Variants in CYB5RL observed in about 807,000 individuals in gnomAD.
CYB5RL encodes cytochrome b5 reductase like.
A neutral mutation model predicts 37.5 loss-of-function variants in CYB5RL; 38 were observed. The observed-to-expected ratio is 1.01, with a 90% CI of 0.78 to 1.33. CYB5RL has a LOEUF of 1.33. CYB5RL is among the 40% of genes most tolerant of loss of function. The pLI, the probability that CYB5RL is intolerant of heterozygous loss-of-function variation, is 0.00. For missense variants in CYB5RL, 388 were observed against 394.4 expected (o/e 0.98, Z 0.14); for synonymous variants, 141 against 151.9 (o/e 0.93, Z 0.53).
intron 7 of CYB5RL, among the ~76,000 whole-genome samples, chr1:54,177,648 C>T (rs1484898741): frequency 1.3e-5 from 2 of 152,188 alleles, no homozygotes; most frequent in African/African-American, 4.8e-5. Flanking sequence ...TTCTGTGCCT[C>T]AGTTTCCACA....
chr1:54,184,075 G>C (rs1034966693), intron 6 of CYB5RL, 86 bp downstream of exon 6: 7 of 1,188,224 alleles, frequency 5.9e-6, no homozygotes, highest in Admixed American at 2.0e-5. Flanking sequence ...AGCTCAAGGA[G>C]AATGGCACAG....
chr1:54,174,739 C>T lies in CYB5RL; in HGVS notation c.828G>A (p.Leu276=). The change falls in exon 8 of 8, where the codon CTG becomes CTA. Residue 276 remains leucine (L), a synonymous_variant. Coordinates refer to ENST00000534324, the MANE Select transcript of CYB5RL (RefSeq NM_001031672.4). ...ATGGCTTTCTCCGACAGCAGCTGACCAGCTCTTTAATTAGGTCCTGGCCCA... is the reference window on the plus strand; with the variant it reads ...ATGGCTTTCTCCGACAGCAGCTGACTAGCTCTTTAATTAGGTCCTGGCCCA... ...GHLGQDLIKE[L]VSCCRRKPFA... is the part of the protein sequence containing the mutation. 6.2e-7 allele frequency: 1 copy of T among 1,614,040 alleles called. No homozygotes were observed.
Position 54,171,932 on chromosome 1 carries a change from C to T in CYB5RL, c.*2687G>A, listed in dbSNP as rs535402555. On this transcript the variant is annotated 3_prime_UTR_variant, in exon 8 of 8. Coordinates refer to ENST00000534324, the MANE Select transcript of CYB5RL (RefSeq NM_001031672.4). ...TTTAGGCTTCTTGGCACCAAGGGCACGGCTGGGTCCCCACCAATGTCCCAT... is the reference window on the plus strand; with the variant it reads ...TTTAGGCTTCTTGGCACCAAGGGCATGGCTGGGTCCCCACCAATGTCCCAT... 10 of 170,080 alleles carry T rather than the reference C, an allele frequency of 5.9e-5. No homozygotes were observed. The South Asian group carries it at 1.3e-3, about 22-fold the overall frequency. 10.5% of individuals were successfully genotyped at this position (170,080 alleles called of 1,614,324 possible). A position where few individuals can be genotyped will look rare whatever the true frequency, so the allele number is the denominator to read the frequency against.
intron 3 of CYB5RL, among the ~76,000 whole-genome samples, chr1:54,194,334 C>T (rs1450259404): frequency 6.6e-6 from 1 of 151,252 alleles, no homozygotes; most frequent in African/African-American, 2.4e-5. Flanking sequence ...AGCGCCACTG[C>T]ACCCCAGCCT....
chr1:54,183,481 G>C (rs938048923), intron 6 of CYB5RL, among the ~76,000 whole-genome samples: 1 of 152,172 alleles, frequency 6.6e-6, no homozygotes, highest in African/African-American at 2.4e-5. Flanking sequence ...AAAATGCCAG[G>C]ATGATGAGGA....
intron 3 of CYB5RL, 55 bp downstream of exon 3, chr1:54,195,364 C>A: frequency 6.7e-7 from 1 of 1,487,734 alleles, no homozygotes; most frequent in Non-Finnish European, 9.0e-7. Flanking sequence ...CTTTGCAGGG[C>A]CAAGGCAAGT....
chr1:54,193,134 C>A (rs1024348618), intron 3 of CYB5RL, among the ~76,000 whole-genome samples: 3 of 152,220 alleles, frequency 2.0e-5, no homozygotes, highest in African/African-American at 7.2e-5. Context: ...TTATTACCAA[C>A]CTCCTTGTGC....
At position 54,170,978 on chromosome 1, in the gene CYB5RL, C is replaced by T. The variant is rs1659877144; in HGVS notation, c.*3641G>A. 2 of 363,058 alleles carry T rather than the reference C, an allele frequency of 5.5e-6. No individual in the cohort carries two copies. Among genetic ancestry groups the T allele is most frequent in the Non-Finnish European group, 1.1e-5 (2 of 181,130 alleles). 22.5% of individuals were successfully genotyped at this position (363,058 alleles called of 1,614,324 possible). The stretch of plus-strand genomic sequence containing the variant: ...TGTTTATCGCTCAGGTATTCGACAT[C>T]CAGGAAGTGCTGAGCATCCTCCCCT... On this transcript the variant is annotated 3_prime_UTR_variant, in exon 8 of 8. Coordinates refer to ENST00000534324, the MANE Select transcript of CYB5RL (RefSeq NM_001031672.4).
intron 3 of CYB5RL, among the ~76,000 whole-genome samples, chr1:54,192,294 C>T (rs1213654677): frequency 2.0e-5 from 3 of 150,684 alleles, no homozygotes; most frequent in South Asian, 2.1e-4. Context: ...AAGTGATTCT[C>T]GTGCCTCAGC....
chr1:54,179,503 C>T (rs991501869), intron 6 of CYB5RL, among the ~76,000 whole-genome samples, 151 bp from the exon 7 acceptor site: 2 of 152,158 alleles, frequency 1.3e-5, no homozygotes, highest in Non-Finnish European at 2.9e-5. Context: ...CTACCTCCTC[C>T]AGAAAGCCGT....
At position 54,174,883 on chromosome 1, in the gene CYB5RL, C is replaced by T. The variant is rs530027730; in HGVS notation, c.745-61G>A. The stretch of plus-strand genomic sequence containing the variant: ...GAGCGGGGGGTCCTTAGTGTTCACA[C>T]AGCCAGCTCTCCTCTGCAAAATGAG... On this transcript the variant is annotated intron_variant, in intron 7 of 7. Coordinates refer to ENST00000534324, the MANE Select transcript of CYB5RL (RefSeq NM_001031672.4). The T allele has an allele frequency of 2.7e-4, 423 of 1,541,978 alleles. No individual in the cohort carries two copies. The African/African-American group carries it at 5.2e-3, about 19-fold the overall frequency.
Position 54,171,508 on chromosome 1 carries a change from A to C in CYB5RL, c.*3111T>G, listed in dbSNP as rs1328455061. The stretch of plus-strand genomic sequence containing the variant: ...AGAAGTGACGTTGGTAAACATGGTG[A>C]GGGCTGAACTAAAGCCAATGCCGCT... On this transcript the variant is annotated 3_prime_UTR_variant, in exon 8 of 8. Coordinates refer to ENST00000534324, the MANE Select transcript of CYB5RL (RefSeq NM_001031672.4). 2.3e-6 allele frequency: 1 copy of C among 442,992 alleles called. No individual in the cohort carries two copies. Among genetic ancestry groups the C allele is most frequent in the Admixed American group, 2.4e-5 (1 of 41,978 alleles). 27.4% of individuals were successfully genotyped at this position (442,992 alleles called of 1,614,324 possible).
rs779330384 is a variant in CYB5RL, at chr1:54,190,838, T to C, written c.257A>G (p.Asp86Gly). 13 of 1,606,526 alleles carry C rather than the reference T, an allele frequency of 8.1e-6. No homozygotes were observed. The highest frequency in any genetic ancestry group is 1.1e-5 in the Non-Finnish European group (13 of 1,176,790). ...TFVAFCIIAM[D>G]RLTKDTYRVR... The stretch of plus-strand genomic sequence containing the variant: ...ACGGTAGGTGTCCTTAGTGAGCCTG[T>C]CCATGGCAATGATGCAGAAGGCCAC... Residue 86 changes from aspartate to glycine, a missense_variant, in exon 4 of 8, where the codon GAC becomes GGC. Coordinates refer to ENST00000534324, the MANE Select transcript of CYB5RL (RefSeq NM_001031672.4).
rs1321697757 is a variant in CYB5RL, at chr1:54,170,254, C to T, written c.*4365G>A. On this transcript the variant is annotated 3_prime_UTR_variant, in exon 8 of 8. Coordinates refer to ENST00000534324, the MANE Select transcript of CYB5RL (RefSeq NM_001031672.4). The stretch of plus-strand genomic sequence containing the variant: ...AGTAGCTGGGATTACAGGTGCGCAC[C>T]ACCATGCCCAGCTAATTTTTCTATC... The T allele has an allele frequency of 6.6e-6, 1 of 151,686 alleles. No individual in the cohort carries two copies. Among genetic ancestry groups the T allele is most frequent in the Non-Finnish European group, 1.5e-5 (1 of 68,002 alleles). 9.4% of individuals were successfully genotyped at this position (151,686 alleles called of 1,614,324 possible). A position where few individuals can be genotyped will look rare whatever the true frequency, so the allele number is the denominator to read the frequency against.
chr1:54,193,379 A>G lies in CYB5RL; in HGVS notation c.198+2040T>C, dbSNP rs577697749. Among the ~76,000 whole-genome samples the G allele has an allele frequency of 4.6e-5, 7 of 152,344 alleles. No homozygotes were observed. In the East Asian group the frequency reaches 1.4e-3, roughly 29 times the overall value. ...TGGTAGTCCTGAGTTAGGAAGAGAA[A>G]TGAAATTTGGGCAGAGATCAGAAAG... On this transcript the variant is annotated intron_variant, in intron 3 of 7. Coordinates refer to ENST00000534324, the MANE Select transcript of CYB5RL (RefSeq NM_001031672.4).
In CYB5RL at chr1:54,195,857, T is replaced by G; in HGVS notation, c.-99-142A>C. The G allele has an allele frequency of 1.3e-5, 5 of 393,650 alleles. 1 individual carries two copies. The highest frequency in any genetic ancestry group is 2.3e-5 in the Non-Finnish European group (5 of 221,958). The allele number at this position is 393,650 out of a possible 1,614,324, so 24.4% of individuals were successfully genotyped here. Reference sequence around the variant, plus strand: ...GAGTGTGCTGTCTGGTGGGGAGCATTAACCACTTACTATCATTGGTTTTAG... The same window carrying G: ...GAGTGTGCTGTCTGGTGGGGAGCATGAACCACTTACTATCATTGGTTTTAG... On this transcript the variant is annotated intron_variant, in intron 2 of 7. Coordinates refer to ENST00000534324, the MANE Select transcript of CYB5RL (RefSeq NM_001031672.4).
Position 54,190,835 on chromosome 1 carries a change from C to T in CYB5RL, c.260G>A (p.Arg87Lys). The T allele has an allele frequency of 6.2e-7, 1 of 1,605,632 alleles. No homozygotes were observed. The change falls in exon 4 of 8, where the codon AGG (arginine) becomes AAG (lysine). Residue 87 changes from arginine to lysine, a missense_variant. By Grantham distance (26) the Arg-to-Lys change is conservative (BLOSUM62 2). Coordinates refer to ENST00000534324, the MANE Select transcript of CYB5RL (RefSeq NM_001031672.4). ...GACACGGTAGGTGTCCTTAGTGAGC[C>T]TGTCCATGGCAATGATGCAGAAGGC... is the stretch of plus-strand genomic sequence containing the variant. ...FVAFCIIAMD[R>K]LTKDTYRVRF... is the part of the protein sequence containing the mutation.
chr1:54,194,652 GA>G (rs891381953), intron 3 of CYB5RL, among the ~76,000 whole-genome samples: 44 of 147,508 alleles, frequency 3.0e-4, no homozygotes, highest in African/African-American at 1.0e-3. Flanking sequence ...CTACAAAAAA[GA>G]AAAAAAAAAG....
rs114111154 is a variant in CYB5RL, at chr1:54,198,238, C to T, written c.-223+1738G>A. Among the ~76,000 whole-genome samples the T allele has an allele frequency of 8.4e-3, 1,273 of 152,010 alleles. 15 individuals are homozygous for T. Among genetic ancestry groups the T allele is most frequent in the African/African-American group, 0.029 (1,197 of 41,468 alleles). On this transcript the variant is annotated intron_variant, in intron 1 of 7. Coordinates refer to ENST00000534324, the MANE Select transcript of CYB5RL (RefSeq NM_001031672.4). Reference sequence around the variant, plus strand: ...CCTCATAGACTACAAGGTGTTAGATCAACCCAATTCATTTTTATTGCATGC... The same window carrying T: ...CCTCATAGACTACAAGGTGTTAGATTAACCCAATTCATTTTTATTGCATGC...
Sources: gnomAD v4.1 joint callset for allele counts (sites outside exome capture counted in the v4.1 genomes callset) on GRCh38, gnomAD v4.1.1 for gene constraint, MANE v1.5 for transcripts, NCBI Gene and HGNC (gene_info 2026-07-23, HGNC 2026-07-21) for gene names.